GMDS: variants seen among roughly 807,000 people sequenced by gnomAD.
The protein encoded by GMDS is GDP-mannose 4,6 dehydratase.
A neutral mutation model predicts 49.9 loss-of-function variants in GMDS; 20 were observed. That is an observed-to-expected ratio of 0.40 (90% CI 0.28 to 0.58). GMDS has a LOEUF of 0.58. Among genes scored for constraint, GMDS ranks in the 20% least tolerant of loss-of-function variants. The pLI, the probability that GMDS is intolerant of heterozygous loss-of-function variation, is 0.42. For synonymous variants in GMDS, 177 were observed against 178.6 expected (o/e 0.99, Z 0.07); for missense variants, 362 against 481.4 (o/e 0.75, Z 2.32).
At chr6:1,661,080 C>T (rs1443860749) in intron 9 of GMDS, among the ~76,000 whole-genome samples, 2 of 152,062 alleles carry the variant, frequency 1.3e-5, no homozygotes, top group East Asian at 1.9e-4. Flanking sequence ...AGAGTTCCCA[C>T]GTGATTACAA....
intron 7 of GMDS, among the ~76,000 whole-genome samples, chr6:1,922,589 CT>C (rs1761770869): frequency 6.6e-6 from 1 of 152,152 alleles, no homozygotes; most frequent in South Asian, 2.1e-4. Context: ...CAAATGTTGC[CT>C]TTTTCAAAAC....
intron 7 of GMDS, among the ~76,000 whole-genome samples, chr6:1,786,250 A>T (rs1769315436): frequency 6.6e-6 from 1 of 152,256 alleles, no homozygotes; most frequent in Non-Finnish European, 1.5e-5. Context: ...AATTGCAGCC[A>T]TCAATGAGGT....
intron 4 of GMDS, among the ~76,000 whole-genome samples, chr6:1,999,428 T>C (rs1183597677): frequency 1.3e-5 from 2 of 152,070 alleles, no homozygotes; most frequent in Middle Eastern, 3.4e-3. Context: ...TATAAGTTAT[T>C]TCTACAAAAC....
chr6:1,748,815 A>T (rs1307200085), intron 7 of GMDS, among the ~76,000 whole-genome samples: 1 of 152,112 alleles, frequency 6.6e-6, no homozygotes, highest in Non-Finnish European at 1.5e-5. Flanking sequence ...AATTTCTTTG[A>T]CTCTACAGAG....
At chr6:1,987,643 G>C (rs926045400) in intron 4 of GMDS, among the ~76,000 whole-genome samples, 3 of 152,064 alleles carry the variant, frequency 2.0e-5, no homozygotes, top group Non-Finnish European at 4.4e-5. Flanking sequence ...ATAGTGATAA[G>C]AACTATGGGG....
intron 9 of GMDS, among the ~76,000 whole-genome samples, chr6:1,703,738 T>G (rs1451188630): frequency 6.6e-6 from 1 of 152,354 alleles, no homozygotes; most frequent in East Asian, 1.9e-4. Context: ...AGGGCTGAGC[T>G]GCACTTGAGG....
intron 7 of GMDS, among the ~76,000 whole-genome samples, chr6:1,915,795 T>G (rs1163506994): frequency 6.6e-6 from 1 of 152,228 alleles, no homozygotes; most frequent in Non-Finnish European, 1.5e-5. Flanking sequence ...CAGACTCCTG[T>G]GAAAGTAAGC....
chr6:2,178,492 T>A (rs1278878066), intron 1 of GMDS, among the ~76,000 whole-genome samples: 2 of 146,782 alleles, frequency 1.4e-5, no homozygotes, highest in Non-Finnish European at 2.9e-5. Flanking sequence ...GTGCCATTCA[T>A]GAAAGCCATT....
At chr6:1,851,428 A>G (rs1279981258) in intron 7 of GMDS, among the ~76,000 whole-genome samples, 2 of 152,228 alleles carry the variant, frequency 1.3e-5, no homozygotes, top group Non-Finnish European at 2.9e-5. Context: ...CAAACAATAT[A>G]ATATTATATT....
intron 1 of GMDS, among the ~76,000 whole-genome samples, chr6:2,139,468 C>T (rs1055872764): frequency 7.2e-5 from 11 of 152,182 alleles, no homozygotes; most frequent in South Asian, 2.1e-4. Flanking sequence ...TCCTCGGGTA[C>T]GCTAGTCACA....
intron 7 of GMDS, among the ~76,000 whole-genome samples, chr6:1,751,346 C>A (rs1332110474): frequency 6.6e-6 from 1 of 152,164 alleles, no homozygotes; most frequent in Non-Finnish European, 1.5e-5. Context: ...CTGATGGGTG[C>A]CCCTCTGGAA....
chr6:1,953,243 G>A (rs1017263376), intron 6 of GMDS, among the ~76,000 whole-genome samples: 4 of 152,084 alleles, frequency 2.6e-5, no homozygotes, highest in African/African-American at 4.8e-5. Flanking sequence ...CACAGAAACC[G>A]AGGCTGCTGT....
chr6:1,746,653 C>T (rs934119182), intron 7 of GMDS, among the ~76,000 whole-genome samples: 1 of 152,100 alleles, frequency 6.6e-6, no homozygotes, highest in Non-Finnish European at 1.5e-5. Flanking sequence ...ATCTGTTCTA[C>T]AAATCCAATT....
intron 9 of GMDS, among the ~76,000 whole-genome samples, chr6:1,678,942 T>G (rs1200367062): frequency 6.6e-6 from 1 of 152,218 alleles, no homozygotes; most frequent in African/African-American, 2.4e-5. Flanking sequence ...CCATAGCACA[T>G]TCTGATATCT....
intron 4 of GMDS, among the ~76,000 whole-genome samples, chr6:2,007,407 C>T (rs1767259564): frequency 6.6e-6 from 1 of 152,228 alleles, no homozygotes; most frequent in Non-Finnish European, 1.5e-5. Flanking sequence ...CAATTCTAAG[C>T]ATGTACACTT....
chr6:2,049,126 A>G (rs1770207333), intron 4 of GMDS, among the ~76,000 whole-genome samples: 1 of 152,230 alleles, frequency 6.6e-6, no homozygotes, highest in South Asian at 2.1e-4. Flanking sequence ...GGCCTCCAGA[A>G]CTGCAAAAGT....
chr6:2,150,987 G>A (rs1047671505), intron 1 of GMDS, among the ~76,000 whole-genome samples: 6 of 152,042 alleles, frequency 3.9e-5, no homozygotes, highest in Non-Finnish European at 7.4e-5. Context: ...AACTATTAGC[G>A]ATATCCCTAG....
At chr6:1,803,003 AAGG>A (rs1581199135) in intron 7 of GMDS, among the ~76,000 whole-genome samples, 1 of 152,376 alleles carries the variant, frequency 6.6e-6, no homozygotes, top group East Asian at 1.9e-4. Context: ...CTGCGCTGAT[AAGG>A]AGGTTTAAAA....
At chr6:1,695,043 C>G (rs1765290874) in intron 9 of GMDS, among the ~76,000 whole-genome samples, 2 of 151,046 alleles carry the variant, frequency 1.3e-5, no homozygotes, top group African/African-American at 2.4e-5. Flanking sequence ...ACACAGAGAA[C>G]AGAGTCATAT....
Sources: gnomAD v4.1 joint callset for allele counts (sites outside exome capture counted in the v4.1 genomes callset) on GRCh38, gnomAD v4.1.1 for gene constraint, MANE v1.5 for transcripts, NCBI Gene and HGNC (gene_info 2026-07-23, HGNC 2026-07-21) for gene names.